Variants in SEC14L1 observed in about 807,000 individuals in gnomAD.
The protein encoded by SEC14L1 is SEC14 like lipid binding 1, also known as SEC14-like protein 1.
Under a neutral mutation model 85.3 loss-of-function variants are expected in SEC14L1, and 48 were observed. The observed-to-expected ratio is 0.56, with a 90% CI of 0.45 to 0.72. SEC14L1 has a LOEUF of 0.72. SEC14L1 is among the 30% of genes least tolerant of loss of function. SEC14L1 has a pLI of 0.00. For synonymous variants in SEC14L1, 391 were observed against 355.5 expected, an observed-to-expected ratio of 1.10 and a Z score of -1.12; for missense variants, 682 against 921.4, an observed-to-expected ratio of 0.74 and a Z score of 3.36.
In SEC14L1 at chr17:77,190,956, A is replaced by G. The variant is rs1975498648; in HGVS notation, c.213+4A>G. ...TGCACCCAGACTGCTGAAGAAGGTA[A>G]AGGTCGGAAAGGACGTCTTGGAGGG... is the stretch of plus-strand genomic sequence containing the variant. On this transcript the variant is annotated splice_donor_region_variant and intron_variant, in intron 4 of 16. Transcript: ENST00000436233. The G allele has an allele frequency of 1.2e-6, 2 of 1,613,502 alleles. No homozygotes were observed. The highest frequency in any genetic ancestry group is 8.5e-7 in the Non-Finnish European group (1 of 1,179,780).
rs536318407 is a variant in SEC14L1 at position 77,110,259 on chromosome 17, GA to G, written c.-136+16914del. On this transcript the variant is annotated intron_variant, in intron 3 of 19. Transcript: ENST00000392476. Reference sequence around the variant, plus strand: ...AACGCATTCTTGGTTGCAGAGAGAGGAAGTGGCTTGCATTGTTGGACAAAAA... The same window carrying G: ...AACGCATTCTTGGTTGCAGAGAGAGGAGTGGCTTGCATTGTTGGACAAAAA... Among the ~76,000 whole-genome samples the G allele has an allele frequency of 1.8e-4, 28 of 152,290 alleles. No homozygotes were observed. The South Asian group carries it at 5.8e-3, about 32-fold the overall frequency.
chr17:77,195,306 G>GTT (rs141600588), intron 7 of SEC14L1, among the ~76,000 whole-genome samples: 15 of 146,368 alleles, frequency 1.0e-4, no homozygotes, highest in South Asian at 6.5e-4. Context: ...TAAGGAAGGT[G>GTT]TTTTTTTTTG....
intron 3 of SEC14L1, among the ~76,000 whole-genome samples, chr17:77,129,380 A>C (rs1436007645): frequency 6.6e-6 from 1 of 152,168 alleles, no homozygotes; most frequent in Non-Finnish European, 1.5e-5. Context: ...GGTCCTGCCA[A>C]CGTGGGGAAG....
At chr17:77,111,881 A>AAAGG (rs886678002) in intron 3 of SEC14L1, among the ~76,000 whole-genome samples, 2 of 152,172 alleles carry the variant, frequency 1.3e-5, no homozygotes, top group African/African-American at 4.8e-5. Context: ...AGACAGTTAG[A>AAAGG]AAGGCATGAT....
chr17:77,114,064 A>C (rs1972112795), intron 3 of SEC14L1, among the ~76,000 whole-genome samples: 1 of 152,156 alleles, frequency 6.6e-6, no homozygotes, highest in Non-Finnish European at 1.5e-5. Context: ...GGGTGCAAAT[A>C]AAATCAGCAA....
rs1278507823 is a variant in SEC14L1 at position 77,216,160 on chromosome 17, T to C, written c.*2137T>C. The C allele has an allele frequency of 9.7e-6, 9 of 930,168 alleles. No homozygotes were observed. Among genetic ancestry groups the C allele is most frequent in the South Asian group, 7.5e-5 (2 of 26,724 alleles). The allele number at this position is 930,168 out of a possible 1,614,324, so 57.6% of individuals were successfully genotyped here. ...TAGTAGGTAGGGTTCGTAGGTAGGG[T>C]TCGTAGGTAGGGCTAGTAGGTAGGG... is the stretch of plus-strand genomic sequence containing the variant. On this transcript the variant is annotated 3_prime_UTR_variant, in exon 17 of 17. Transcript: ENST00000436233.
intron 3 of SEC14L1, among the ~76,000 whole-genome samples, chr17:77,095,524 A>G (rs1264434863): frequency 3.3e-5 from 5 of 152,174 alleles, no homozygotes; most frequent in African/African-American, 1.2e-4. Context: ...ACTAGACCCC[A>G]AGACAATGAA....
chr17:77,173,693 C>G (rs1974624847), intron 3 of SEC14L1, among the ~76,000 whole-genome samples: 1 of 152,170 alleles, frequency 6.6e-6, no homozygotes, highest in African/African-American at 2.4e-5. Flanking sequence ...TTCCTTAGTC[C>G]AAATAAAACA....
intron 3 of SEC14L1, among the ~76,000 whole-genome samples, chr17:77,123,940 A>C (rs537087642): frequency 4.6e-5 from 7 of 152,242 alleles, no homozygotes; most frequent in Non-Finnish European, 8.8e-5. Flanking sequence ...TTGATATAAA[A>C]ACATTTAAAA....
intron 5 of SEC14L1, among the ~76,000 whole-genome samples, 162 bp downstream of exon 5, chr17:77,191,474 G>C (rs1181596178): frequency 6.6e-6 from 1 of 152,090 alleles, no homozygotes; most frequent in Non-Finnish European, 1.5e-5. Context: ...TAGCAGGTGT[G>C]GTCTCCTGCA....
intron 5 of SEC14L1, 140 bp downstream of exon 5, chr17:77,191,452 T>A (rs955551981): frequency 1.6e-5 from 15 of 952,748 alleles, no homozygotes; most frequent in Non-Finnish European, 2.4e-5. Flanking sequence ...TTCTCATGTG[T>A]AGGAGGAAGG....
intron 3 of SEC14L1, among the ~76,000 whole-genome samples, chr17:77,156,538 G>A (rs1973823307): frequency 6.6e-6 from 1 of 150,644 alleles, no homozygotes; most frequent in African/African-American, 2.4e-5. Context: ...TCACACCACT[G>A]CACTCCAGAC....
chr17:77,191,569 G>GTCTCCCTCTGTC (rs983798869), intron 5 of SEC14L1, among the ~76,000 whole-genome samples: 1 of 151,932 alleles, frequency 6.6e-6, no homozygotes, highest in African/African-American at 2.4e-5. Context: ...TTGAGACACA[G>GTCTCCCTCTGTC]TCTCCCTCTG....
intron 3 of SEC14L1, among the ~76,000 whole-genome samples, chr17:77,168,050 C>G (rs1974362292): frequency 6.6e-6 from 1 of 152,130 alleles, no homozygotes; most frequent in Non-Finnish European, 1.5e-5. Context: ...TGCCAGTTGG[C>G]TAAGACTTAA....
intron 3 of SEC14L1, among the ~76,000 whole-genome samples, chr17:77,182,449 C>T (rs1430136763): frequency 6.6e-6 from 1 of 152,234 alleles, no homozygotes; most frequent in African/African-American, 2.4e-5. Flanking sequence ...AGCTTCCTCT[C>T]AGGGTCAGGT....
intron 3 of SEC14L1, among the ~76,000 whole-genome samples, chr17:77,121,929 A>G (rs1353910190): frequency 6.6e-6 from 1 of 152,186 alleles, no homozygotes; most frequent in East Asian, 1.9e-4. Context: ...GGGCCCAGAC[A>G]TTCAGCTAAG....
chr17:77,168,013 A>G (rs1386180684), intron 3 of SEC14L1, among the ~76,000 whole-genome samples: 4 of 152,188 alleles, frequency 2.6e-5, no homozygotes, highest in Non-Finnish European at 5.9e-5. Context: ...CCTGTTGGCT[A>G]GGGTTGGACC....
intron 3 of SEC14L1, chr17:77,144,576 C>T (rs943434316): frequency 8.5e-5 from 13 of 152,146 alleles, no homozygotes; most frequent in Admixed American, 2.0e-4. Context: ...AGTCCTCTTA[C>T]GGGAAGAATT....
intron 3 of SEC14L1, among the ~76,000 whole-genome samples, chr17:77,155,182 C>A (rs1270107538): frequency 1.3e-5 from 2 of 152,168 alleles, no homozygotes; most frequent in Non-Finnish European, 2.9e-5. Context: ...GAGATGCCCC[C>A]CAGGAGCTTC....
Sources: gnomAD v4.1 joint callset for allele counts (sites outside exome capture counted in the v4.1 genomes callset) on GRCh38, gnomAD v4.1.1 for gene constraint, MANE v1.5 for transcripts, NCBI Gene and HGNC (gene_info 2026-07-23, HGNC 2026-07-21) for gene names.